MSR1: variants seen among roughly 807,000 people sequenced by gnomAD.
MSR1 encodes macrophage scavenger receptor types I and II.
In MSR1, 53 loss-of-function variants were observed where a neutral mutation model predicts 47.2. That is an observed-to-expected ratio of 1.12 (90% CI 0.90 to 1.41). The LOEUF (loss-of-function observed/expected upper bound fraction) is 1.41. Among genes scored for constraint, MSR1 ranks in the 40% most tolerant of loss-of-function variants. MSR1 has a pLI of 0.00. For synonymous variants in MSR1, 239 were observed against 185.6 expected, an observed-to-expected ratio of 1.29 and a Z score of -2.34; for missense variants, 786 against 546.9, an observed-to-expected ratio of 1.44 and a Z score of -4.36.
At chr8:16,184,215 A>T (rs953352526) in intron 1 of MSR1, among the ~76,000 whole-genome samples, 2 of 151,998 alleles carry the variant, frequency 1.3e-5, no homozygotes, top group African/African-American at 2.4e-5. Flanking sequence ...CCCTTTTATT[A>T]TTATACTTTC....
intron 3 of MSR1, among the ~76,000 whole-genome samples, chr8:16,170,386 G>C (rs973298749): frequency 6.6e-6 from 1 of 151,634 alleles, no homozygotes; most frequent in African/African-American, 2.4e-5. Context: ...TATAGAGAAT[G>C]AGGAAAATGT....
chr8:16,181,712 T>C (rs1585196377), intron 1 of MSR1, among the ~76,000 whole-genome samples: 2 of 151,776 alleles, frequency 1.3e-5, no homozygotes, highest in East Asian at 3.9e-4. Context: ...GATGGGTTGA[T>C]GGGTGCACCA....
At position 16,185,548 on chromosome 8, in the gene MSR1, C is replaced by A. The variant is rs77433938; in HGVS notation, c.-5+7050G>T. On this transcript the variant is annotated intron_variant, in intron 1 of 9. Transcript: ENST00000262101. Reference sequence around the variant, plus strand: ...GGAATATGCCGGCAAAGCACAGTCACGCAATCTGAGCCCAGAACTGCTTTT... The same window carrying A: ...GGAATATGCCGGCAAAGCACAGTCAAGCAATCTGAGCCCAGAACTGCTTTT... Among the ~76,000 whole-genome samples, 845 of 152,200 alleles carry A rather than the reference C, an allele frequency of 5.6e-3. 24 individuals carry two copies. The East Asian group carries it at 0.098, about 18-fold the overall frequency.
intron 8 of MSR1, among the ~76,000 whole-genome samples, chr8:16,121,899 T>G (rs1405474193): frequency 2.6e-5 from 4 of 151,926 alleles, no homozygotes; most frequent in Non-Finnish European, 5.9e-5. Context: ...CTAATAACAT[T>G]TAAAGTTACT....
rs1393634756 is a variant in MSR1, at chr8:16,192,578, A to G, written c.-5+20T>C. The G allele has an allele frequency of 6.6e-6, 1 of 152,120 alleles. No homozygotes were observed. The highest frequency in any genetic ancestry group is 6.6e-5 in the Admixed American group (1 of 15,258). The allele number at this position is 152,120 out of a possible 1,614,324, so 9.4% of individuals were successfully genotyped here. A position where few individuals can be genotyped will look rare whatever the true frequency, so the allele number is the denominator to read the frequency against. ...ACAATTCTGGAAAAAACATTAAAATAAGCCTTTTTTTTTCTTTACCTTTCG... is the reference window on the plus strand; with the variant it reads ...ACAATTCTGGAAAAAACATTAAAATGAGCCTTTTTTTTTCTTTACCTTTCG... On this transcript the variant is annotated intron_variant, in intron 1 of 9. Transcript: ENST00000262101.
chr8:16,136,689 G>T lies in MSR1; in HGVS notation c.1033+6869C>A, dbSNP rs1015026151. On this transcript the variant is annotated intron_variant, in intron 8 of 9. Coordinates refer to ENST00000262101, the MANE Select transcript of MSR1 (RefSeq NM_138715.3). ...ATGATCTCAGCTCACTGCAACCTCT[G>T]CCTCCTGGGTTCAAGCGATTCTCCT... 1.3e-5 allele frequency among the ~76,000 whole-genome samples: 2 copies of T among 152,006 alleles called. 1 individual carries two copies. Among genetic ancestry groups the T allele is most frequent in the African/African-American group, 4.8e-5 (2 of 41,390 alleles).
chr8:16,178,209 C>T (rs1047472589), intron 1 of MSR1, among the ~76,000 whole-genome samples: 2 of 151,646 alleles, frequency 1.3e-5, no homozygotes, highest in Admixed American at 1.3e-4. Flanking sequence ...CCCACAAACT[C>T]GTCATCTAAC....
chr8:16,173,786 C>T (rs1018524271), intron 3 of MSR1, among the ~76,000 whole-genome samples: 1 of 152,006 alleles, frequency 6.6e-6, no homozygotes, highest in African/African-American at 2.4e-5. Flanking sequence ...GTAGCTGGGA[C>T]TACAGGCACC....
In MSR1 at chr8:16,155,028, T is replaced by C. The variant is rs536921153; in HGVS notation, c.898+36A>G. On this transcript the variant is annotated intron_variant, in intron 6 of 9. Transcript: ENST00000262101. ...GTACCTGGATGTATATCATCTATCT[T>C]CACAGTATATGATTAAATAGCTAAA... 45 of 1,538,054 alleles carry C rather than the reference T, an allele frequency of 2.9e-5. No individual in the cohort carries two copies. In the South Asian group the frequency reaches 4.9e-4, roughly 17 times the overall value.
chr8:16,182,591 AC>A (rs1329247541), intron 1 of MSR1, among the ~76,000 whole-genome samples: 1 of 151,384 alleles, frequency 6.6e-6, no homozygotes, highest in East Asian at 1.9e-4. Context: ...TACTTCTTTA[AC>A]TTTTTTGTTG....
intron 2 of MSR1, among the ~76,000 whole-genome samples, chr8:16,176,496 G>C (rs1185114109): frequency 7.3e-6 from 1 of 137,580 alleles, no homozygotes; most frequent in Non-Finnish European, 1.5e-5. Flanking sequence ...GAAAAAGTGA[G>C]ACCCTGTCTC....
intron 9 of MSR1, among the ~76,000 whole-genome samples, chr8:16,119,985 G>A (rs902044447): frequency 1.3e-5 from 2 of 151,468 alleles, no homozygotes; most frequent in African/African-American, 4.9e-5. Flanking sequence ...CAAAGTGCTG[G>A]GACTACAAGC....
At chr8:16,147,253 T>C (rs1173144558) in intron 7 of MSR1, among the ~76,000 whole-genome samples, 1 of 152,072 alleles carries the variant, frequency 6.6e-6, no homozygotes, top group Non-Finnish European at 1.5e-5. Context: ...TGAAGTCTTC[T>C]CTTTCTCTTC....
intron 3 of MSR1, among the ~76,000 whole-genome samples, chr8:16,170,421 G>C (rs1167560298): frequency 2.6e-5 from 4 of 151,678 alleles, no homozygotes; most frequent in Non-Finnish European, 5.9e-5. Flanking sequence ...TCACTATTCA[G>C]TCATGGCTGA....
chr8:16,156,302 C>T (rs900916392), intron 5 of MSR1, among the ~76,000 whole-genome samples: 1 of 151,840 alleles, frequency 6.6e-6, no homozygotes, highest in African/African-American at 2.4e-5. Flanking sequence ...CACTTGTTTA[C>T]AAATTTTAAT....
chr8:16,130,805 C>G lies in MSR1; in HGVS notation c.1034-10199G>C, dbSNP rs748348704. ...GTTCCAACCATATTCCTTCAAAGAACGTGACTCATTCTTTTGTATGGCTGC... is the reference window on the plus strand; with the variant it reads ...GTTCCAACCATATTCCTTCAAAGAAGGTGACTCATTCTTTTGTATGGCTGC... On this transcript the variant is annotated intron_variant, in intron 8 of 9. Transcript: ENST00000262101. Among the ~76,000 whole-genome samples, 202 of 152,040 alleles carry G rather than the reference C, an allele frequency of 1.3e-3. 2 individuals carry two copies. Among genetic ancestry groups the G allele is most frequent in the African/African-American group, 4.8e-3 (200 of 41,516 alleles).
chr8:16,138,003 T>C (rs11786803), intron 8 of MSR1, among the ~76,000 whole-genome samples: 75,143 of 141,528 alleles, frequency 0.53, 22,588 homozygotes, highest in East Asian at 0.73. Flanking sequence ...TAAAAAAAGA[T>C]AAAGGAAAAA....
intron 8 of MSR1, among the ~76,000 whole-genome samples, chr8:16,126,847 G>A (rs1399328737): frequency 6.6e-6 from 1 of 152,066 alleles, no homozygotes; most frequent in Non-Finnish European, 1.5e-5. Context: ...ATGAGCCACT[G>A]CACCCGGCCA....
chr8:16,123,173 T>C (rs1221228996), intron 8 of MSR1, among the ~76,000 whole-genome samples: 1 of 152,094 alleles, frequency 6.6e-6, no homozygotes, highest in Admixed American at 6.6e-5. Context: ...GGGCCAAATA[T>C]GCTTGGGTAT....
Sources: gnomAD v4.1 joint callset for allele counts (sites outside exome capture counted in the v4.1 genomes callset) on GRCh38, gnomAD v4.1.1 for gene constraint, MANE v1.5 for transcripts, NCBI Gene and HGNC (gene_info 2026-07-23, HGNC 2026-07-21) for gene names.